The following SPATA18 variants were observed in gnomAD, a reference collection of about 807,000 sequenced individuals.
The protein encoded by SPATA18 is spermatogenesis associated 18.
A neutral mutation model predicts 68.1 loss-of-function variants in SPATA18; 54 were observed. The ratio of observed to expected loss-of-function variants is 0.79; its 90% confidence interval spans 0.64 to 0.99. The LOEUF (loss-of-function observed/expected upper bound fraction) is 0.99, where lower values mean the gene tolerates loss of function less well. SPATA18 is among the 50% of genes least tolerant of loss of function. The probability of loss-of-function intolerance (pLI) is 0.00; values close to 1 mark genes in which losing one functional copy is unlikely to be tolerated. For synonymous variants in SPATA18, 242 were observed against 244.8 expected (o/e 0.99, Z 0.11); for missense variants, 724 against 681.1 (o/e 1.06, Z -0.70).
intron 6 of SPATA18, among the ~76,000 whole-genome samples, chr4:52,076,100 C>T (rs35467285): frequency 0.17 from 26,070 of 152,034 alleles, 2,575 homozygotes; most frequent in East Asian, 0.4. Context: ...TGGGATTTTC[C>T]GAGGACTCTG....
At chr4:52,077,253 TCCCTC>T in intron 7 of SPATA18, among the ~76,000 whole-genome samples, 2 of 112,980 alleles carry the variant, frequency 1.8e-5, no homozygotes, top group South Asian at 8.2e-4. Context: ...GTTCCCTCCA[TCCCTC>T]CCTCCCTCCC....
chr4:52,055,073 G>T (rs1383791960), intron 1 of SPATA18, among the ~76,000 whole-genome samples: 1 of 152,056 alleles, frequency 6.6e-6, no homozygotes. Context: ...CAGTATTTTT[G>T]CAGCAATCAT....
intron 4 of SPATA18, among the ~76,000 whole-genome samples, chr4:52,069,061 G>T (rs952988178): frequency 1.2e-4 from 18 of 152,004 alleles, no homozygotes; most frequent in Non-Finnish European, 1.9e-4. Flanking sequence ...TAGAGACAGG[G>T]TCTCACTATG....
At chr4:52,078,945 A>C (rs780400935) in intron 8 of SPATA18, 52 bp downstream of exon 8, 3 of 1,489,458 alleles carry the variant, frequency 2.0e-6, no homozygotes, top group South Asian at 2.8e-5. Flanking sequence ...GCTGCAGTTT[A>C]TATTGAGTAC....
chr4:52,072,796 A>T (rs1028978657), intron 6 of SPATA18, among the ~76,000 whole-genome samples: 2 of 152,100 alleles, frequency 1.3e-5, no homozygotes, highest in Admixed American at 6.6e-5. Flanking sequence ...CTGTAATATG[A>T]GGGGTCATTT....
Position 52,066,442 on chromosome 4 carries a change from G to A in SPATA18, c.423-3379G>A, listed in dbSNP as rs1044225374. Among the ~76,000 whole-genome samples, 20 of 152,258 alleles carry A rather than the reference G, an allele frequency of 1.3e-4. No individual in the cohort carries two copies. In the East Asian group the frequency reaches 2.3e-3, roughly 18 times the overall value. ...TGGGATTACAGGCGTGAGCCACGGC[G>A]CCCAGCCATATCAAATCATCCTTCT... On this transcript the variant is annotated intron_variant, in intron 4 of 12. Coordinates refer to ENST00000295213, the MANE Select transcript of SPATA18 (RefSeq NM_145263.4).
chr4:52,051,692 G>A lies in SPATA18; in HGVS notation c.-13G>A. Reference sequence around the variant, plus strand: ...TCCATCGCGCAGCGTGGGGCCGAGAGGAATAGTGAGCGATGGCGGAAAACC... The same window carrying A: ...TCCATCGCGCAGCGTGGGGCCGAGAAGAATAGTGAGCGATGGCGGAAAACC... On this transcript the variant is annotated 5_prime_UTR_variant, in exon 1 of 13. Coordinates refer to ENST00000295213, the MANE Select transcript of SPATA18 (RefSeq NM_145263.4). 1 of 1,613,928 alleles carries A rather than the reference G, an allele frequency of 6.2e-7. No individual in the cohort carries two copies. Among genetic ancestry groups the A allele is most frequent in the Non-Finnish European group, 8.5e-7 (1 of 1,179,768 alleles).
intron 11 of SPATA18, among the ~76,000 whole-genome samples, chr4:52,087,520 A>C (rs1741542247): frequency 2.6e-5 from 4 of 152,230 alleles, no homozygotes. Context: ...TTTATTAAAT[A>C]GGAAATCTTT....
At chr4:52,072,993 C>G (rs949033422) in intron 6 of SPATA18, among the ~76,000 whole-genome samples, 2 of 152,162 alleles carry the variant, frequency 1.3e-5, no homozygotes, top group African/African-American at 4.8e-5. Flanking sequence ...AGGTGTTTCT[C>G]TGGAGTCTCT....
At chr4:52,086,925 GTGTTGTTTCCTGACTTTTTAA>G (rs1482626090) in intron 11 of SPATA18, among the ~76,000 whole-genome samples, 2 of 152,066 alleles carry the variant, frequency 1.3e-5, no homozygotes, top group African/African-American at 4.8e-5. Flanking sequence ...TCTCCAGGAT[GTGTTGTTTCCTGACTTTTTAA>G]TGATTGCCAT....
At chr4:52,059,442 G>A (rs1738640956) in intron 1 of SPATA18, among the ~76,000 whole-genome samples, 1 of 152,232 alleles carries the variant, frequency 6.6e-6, no homozygotes, top group Non-Finnish European at 1.5e-5. Flanking sequence ...TGAAATGGTA[G>A]AATCTTTCAA....
chr4:52,091,856 G>GC (rs1741991223), intron 11 of SPATA18, among the ~76,000 whole-genome samples: 1 of 152,126 alleles, frequency 6.6e-6, no homozygotes, highest in Non-Finnish European at 1.5e-5. Flanking sequence ...GTTTAAGTCT[G>GC]CTATAAGCCC....
chr4:52,076,416 G>A (rs1249665472), intron 6 of SPATA18, among the ~76,000 whole-genome samples: 1 of 152,160 alleles, frequency 6.6e-6, no homozygotes, highest in East Asian at 1.9e-4. Context: ...CTGGTAAAAT[G>A]CATCTACTTG....
rs1739881518 is a variant in SPATA18, at chr4:52,071,933, G to T, written c.535G>T (p.Ala179Ser). ...GCTGTTCAGGCTTAAATCTCTTCAA[G>T]CTCAGGAGGATGCCCGCCACAGAAA... The part of the protein sequence containing the change: ...QLKKQLKSLQ[A>S]QEDARHRNTD... Residue 179 changes from alanine to serine, a missense_variant, in exon 6 of 13, where the codon GCT (alanine) becomes TCT (serine). Ala to Ser is a moderately conservative substitution (Grantham distance 99). Transcript: ENST00000295213. 2 of 1,613,194 alleles carry T rather than the reference G, an allele frequency of 1.2e-6. No individual in the cohort carries two copies. The highest frequency in any genetic ancestry group is 1.7e-5 in the Admixed American group (1 of 59,904).
intron 8 of SPATA18, 89 bp from the exon 9 acceptor site, chr4:52,079,655 C>T (rs1740744539): frequency 2.1e-6 from 3 of 1,434,524 alleles, no homozygotes; most frequent in Non-Finnish European, 1.9e-6. Context: ...TTCTCTTTTC[C>T]CACCTCCCAT....
At position 52,069,935 on chromosome 4, in the gene SPATA18, G is replaced by T; in HGVS notation, c.518+19G>T. ...AAAAGCAGTAAGAAAAAAATTACAG[G>T]ATTATTGCAGCCTAAATCATTGAAT... is the stretch of plus-strand genomic sequence containing the variant. On this transcript the variant is annotated intron_variant, in intron 5 of 12. Coordinates refer to ENST00000295213, the MANE Select transcript of SPATA18 (RefSeq NM_145263.4). 1.3e-6 allele frequency: 2 copies of T among 1,552,964 alleles called. No individual in the cohort carries two copies. The highest frequency in any genetic ancestry group is 2.4e-5 in the South Asian group (2 of 82,808).
intron 1 of SPATA18, among the ~76,000 whole-genome samples, chr4:52,052,032 G>A (rs1364995145): frequency 6.6e-6 from 1 of 152,210 alleles, no homozygotes; most frequent in Non-Finnish European, 1.5e-5. Context: ...GCAGCACTAG[G>A]CTGCGGAGAC....
At chr4:52,068,328 CATTT>C (rs1484628047) in intron 4 of SPATA18, among the ~76,000 whole-genome samples, 1 of 152,118 alleles carries the variant, frequency 6.6e-6, no homozygotes, top group Non-Finnish European at 1.5e-5. Flanking sequence ...TTCATTCATT[CATTT>C]CTCATTTAAA....
intron 1 of SPATA18, among the ~76,000 whole-genome samples, chr4:52,059,252 G>A (rs535420759): frequency 6.6e-6 from 1 of 152,150 alleles, no homozygotes; most frequent in African/African-American, 2.4e-5. Flanking sequence ...GTTTCTATCT[G>A]CCTTGTACGC....
Sources: allele counts gnomAD v4.1 joint callset (sites outside exome capture counted in the v4.1 genomes callset), GRCh38; gene constraint gnomAD v4.1.1; transcripts MANE v1.5; gene names NCBI Gene and HGNC (gene_info 2026-07-23, HGNC 2026-07-21).